NEK6: variants seen among roughly 807,000 people sequenced by gnomAD.
The protein encoded by NEK6 is serine/threonine-protein kinase Nek6.
In NEK6, 27 loss-of-function variants were observed where a neutral mutation model predicts 43.5. That is an observed-to-expected ratio of 0.62 (90% CI 0.46 to 0.86). The LOEUF is 0.86. Ranked by LOEUF, NEK6 falls within the 40% of genes least tolerant of loss-of-function variation. The pLI, the probability that NEK6 is intolerant of heterozygous loss-of-function variation, is 0.00. For synonymous variants in NEK6, 167 were observed against 164.1 expected (o/e 1.02, Z -0.14); for missense variants, 318 against 414.4 (o/e 0.77, Z 2.02).
At chr9:124,341,198 C>T (rs1279027212) in intron 8 of NEK6, among the ~76,000 whole-genome samples, 1 of 152,162 alleles carries the variant, frequency 6.6e-6, no homozygotes, top group Non-Finnish European at 1.5e-5. Flanking sequence ...GCCCGCCACC[C>T]CACCCGGCAA....
At chr9:124,344,968 G>C (rs1338298438) in intron 8 of NEK6, among the ~76,000 whole-genome samples, 1 of 152,238 alleles carries the variant, frequency 6.6e-6, no homozygotes, top group African/African-American at 2.4e-5. Context: ...GTGCTCGAGA[G>C]ACACTGGGTG....
chr9:124,343,268 G>A lies in NEK6; in HGVS notation c.717+3603G>A, dbSNP rs189128694. Among the ~76,000 whole-genome samples, 12 of 149,734 alleles carry A rather than the reference G, an allele frequency of 8.0e-5. No homozygotes were observed. The highest frequency in any genetic ancestry group is 4.4e-4 in the South Asian group (2 of 4,594). On this transcript the variant is annotated intron_variant, in intron 8 of 9. Transcript: ENST00000320246. This position sits in a 1 kb window ranked among gnomAD's most constrained non-coding sequence, Gnocchi z 5.1. Reference sequence around the variant, plus strand: ...ACGGATCGCAGCCGGGGGGTGGTACGGGGGATGGATCGCAGCTGGGGAGGT... The same window carrying A: ...ACGGATCGCAGCCGGGGGGTGGTACAGGGGATGGATCGCAGCTGGGGAGGT...
intron 7 of NEK6, among the ~76,000 whole-genome samples, chr9:124,331,568 G>C (rs1430397002): frequency 6.6e-6 from 1 of 152,170 alleles, no homozygotes; most frequent in Non-Finnish European, 1.5e-5. Context: ...GGCTCTGAGC[G>C]CTCCATCCCT....
At chr9:124,305,861 T>G (rs4838157) in intron 2 of NEK6, among the ~76,000 whole-genome samples, 82,651 of 152,028 alleles carry the variant, frequency 0.54, 22,808 homozygotes, top group East Asian at 0.71. Context: ...GTTAGAGAAG[T>G]TGTTGAAATA....
At position 124,276,208 on chromosome 9, in the gene NEK6, G is replaced by A. The variant is rs533711608; in HGVS notation, c.-30+18123G>A. 1.9e-3 allele frequency among the ~76,000 whole-genome samples: 287 copies of A among 152,258 alleles called. 1 individual carries two copies. Among genetic ancestry groups the A allele is most frequent in the South Asian group, 8.7e-3 (42 of 4,816 alleles). On this transcript the variant is annotated intron_variant, in intron 1 of 9. Transcript: ENST00000320246. Reference sequence around the variant, plus strand: ...CCTACCTGGAGACCCCTGGATCAGGGAGTAAAGAATTCTGGGCTGCAAGTC... The same window carrying A: ...CCTACCTGGAGACCCCTGGATCAGGAAGTAAAGAATTCTGGGCTGCAAGTC...
In NEK6 at chr9:124,348,673, C is replaced by T. The variant is rs546667209; in HGVS notation, c.831+851C>T. ...CACTGCCACCACCATCCAAAGTGGCCAATGGATGGGGCCTGGCTCAGTCAG... is the reference window on the plus strand; with the variant it reads ...CACTGCCACCACCATCCAAAGTGGCTAATGGATGGGGCCTGGCTCAGTCAG... On this transcript the variant is annotated intron_variant, in intron 9 of 9. Transcript: ENST00000320246. Among the ~76,000 whole-genome samples, 17 of 152,286 alleles carry T rather than the reference C, an allele frequency of 1.1e-4. No homozygotes were observed. The South Asian group carries it at 1.9e-3, about 17-fold the overall frequency.
At chr9:124,323,211 C>A (rs1288797857) in intron 5 of NEK6, among the ~76,000 whole-genome samples, 1 of 152,204 alleles carries the variant, frequency 6.6e-6, no homozygotes, top group African/African-American at 2.4e-5. Flanking sequence ...ATGTGCAGGG[C>A]CTGTGGGAGT....
At chr9:124,297,013 G>A (rs551881363) in intron 1 of NEK6, among the ~76,000 whole-genome samples, 67 of 152,350 alleles carry the variant, frequency 4.4e-4, no homozygotes, top group African/African-American at 1.5e-3. Flanking sequence ...ATCCATGGCC[G>A]GGCAGGGTGC....
At chr9:124,283,911 G>A (rs1159870873) in intron 1 of NEK6, among the ~76,000 whole-genome samples, 5 of 152,242 alleles carry the variant, frequency 3.3e-5, no homozygotes, top group African/African-American at 9.6e-5. Context: ...ACGCCTGAGA[G>A]CCCCATTGAG....
At chr9:124,295,303 T>A (rs1832632275) in intron 1 of NEK6, among the ~76,000 whole-genome samples, 1 of 152,186 alleles carries the variant, frequency 6.6e-6, no homozygotes, top group South Asian at 2.1e-4. Context: ...GAAACCAGAC[T>A]CCATCTGTGG....
At chr9:124,260,136 T>TG in intron 1 of NEK6, among the ~76,000 whole-genome samples, 1 of 151,658 alleles carries the variant, frequency 6.6e-6, no homozygotes, top group South Asian at 2.1e-4. Context: ...TGAGAGGAGG[T>TG]GGGGGCAGAA....
Position 124,324,515 on chromosome 9 carries a change from T to TGTC in NEK6, c.406-1815_406-1814insGTC, listed in dbSNP as rs1834236331. 1.3e-5 allele frequency among the ~76,000 whole-genome samples: 2 copies of TGTC among 152,190 alleles called. No individual in the cohort carries two copies. Among genetic ancestry groups the TGTC allele is most frequent in the Admixed American group, 6.5e-5 (1 of 15,288 alleles). ...CCCGCTAAATGTCAGACAGCGCTTATAGGACATGACATTTAGAAAATCACC... is the reference window on the plus strand; with the variant it reads ...CCCGCTAAATGTCAGACAGCGCTTATGTCAGGACATGACATTTAGAAAATCACC... On this transcript the variant is annotated intron_variant, in intron 5 of 9. Transcript: ENST00000320246. The surrounding 1 kb of genome is among the most constrained non-coding windows in gnomAD (Gnocchi z 5.3).
chr9:124,329,018 C>T (rs1400861500), intron 7 of NEK6, among the ~76,000 whole-genome samples: 3 of 152,176 alleles, frequency 2.0e-5, no homozygotes, highest in Non-Finnish European at 4.4e-5. Context: ...GAGATTTTTC[C>T]GAGGTCACAT....
intron 1 of NEK6, among the ~76,000 whole-genome samples, chr9:124,291,483 G>A (rs1434857947): frequency 6.6e-6 from 1 of 152,076 alleles, no homozygotes; most frequent in East Asian, 1.9e-4. Flanking sequence ...AAAATTAGCC[G>A]GGCATGGTGG....
intron 1 of NEK6, among the ~76,000 whole-genome samples, chr9:124,282,380 T>C (rs1294365871): frequency 6.6e-6 from 1 of 152,238 alleles, no homozygotes; most frequent in Non-Finnish European, 1.5e-5. Flanking sequence ...ACACCCGTCA[T>C]TGAATTTGGG....
In NEK6 at chr9:124,324,245, G is replaced by T. The variant is rs1260089404; in HGVS notation, c.406-2085G>T. On this transcript the variant is annotated intron_variant, in intron 5 of 9. Coordinates refer to ENST00000320246, the MANE Select transcript of NEK6 (RefSeq NM_014397.6). The surrounding 1 kb of genome is among the most constrained non-coding windows in gnomAD (Gnocchi z 5.3). Reference sequence around the variant, plus strand: ...ACCAGCACAATGCCTGGGGTTTGGTGGGAGCTCGGTTCCCCTGGTTCTGCC... The same window carrying T: ...ACCAGCACAATGCCTGGGGTTTGGTTGGAGCTCGGTTCCCCTGGTTCTGCC... 6.6e-6 allele frequency among the ~76,000 whole-genome samples: 1 copy of T among 152,190 alleles called. No homozygotes were observed. The highest frequency in any genetic ancestry group is 1.9e-4 in the East Asian group (1 of 5,188).
chr9:124,330,063 C>T (rs1828892038), intron 7 of NEK6, among the ~76,000 whole-genome samples: 1 of 152,204 alleles, frequency 6.6e-6, no homozygotes, highest in Non-Finnish European at 1.5e-5. Flanking sequence ...CCTCCCACTT[C>T]CCCCCTCCCT....
At chr9:124,312,354 TG>T (rs770850895) in intron 2 of NEK6, among the ~76,000 whole-genome samples, 154 bp from the exon 3 acceptor site, 15 of 152,108 alleles carry the variant, frequency 9.9e-5, no homozygotes, top group Admixed American at 2.0e-4. Flanking sequence ...GAAAGCCCCC[TG>T]GGGGGGTGCC....
intron 2 of NEK6, among the ~76,000 whole-genome samples, chr9:124,308,656 C>CAAA (rs1374130698): frequency 0.018 from 1,513 of 82,230 alleles, 23 homozygotes; most frequent in African/African-American, 0.055. Flanking sequence ...AACTCTATCT[C>CAAA]AAAAAAAAAA....
Sources: allele counts gnomAD v4.1 joint callset (sites outside exome capture counted in the v4.1 genomes callset), GRCh38; gene constraint gnomAD v4.1.1; non-coding constraint Gnocchi (gnomAD v3.1); transcripts MANE v1.5; gene names NCBI Gene and HGNC (gene_info 2026-07-23, HGNC 2026-07-21).